The following UNC13C variants were observed in gnomAD, a reference collection of about 807,000 sequenced individuals.
The protein encoded by UNC13C is protein unc-13 homolog C.
A neutral mutation model predicts 245.4 loss-of-function variants in UNC13C; 174 were observed. The observed-to-expected ratio is 0.71, with a 90% CI of 0.63 to 0.80. The LOEUF is 0.80. UNC13C is among the 30% of genes least tolerant of loss of function. UNC13C has a pLI of 0.00. For missense variants in UNC13C, 2,829 were observed against 2,602.9 expected, an observed-to-expected ratio of 1.09 and a Z score of -1.89; for synonymous variants, 992 against 895.1, an observed-to-expected ratio of 1.11 and a Z score of -1.93.
At chr15:54,063,837 G>C (rs1236123608) in intron 2 of UNC13C, among the ~76,000 whole-genome samples, 1 of 152,154 alleles carries the variant, frequency 6.6e-6, no homozygotes, top group East Asian at 1.9e-4. Context: ...AGCTGCCTTA[G>C]AGAGTCTGTC....
At chr15:54,429,236 A>G (rs1423603800) in intron 19 of UNC13C, among the ~76,000 whole-genome samples, 1 of 151,782 alleles carries the variant, frequency 6.6e-6, no homozygotes. Flanking sequence ...ATGATATATA[A>G]ATCATATTTC....
chr15:54,124,267 C>T (rs2030881025), intron 2 of UNC13C, among the ~76,000 whole-genome samples: 2 of 152,174 alleles, frequency 1.3e-5, no homozygotes. Flanking sequence ...TGACATCGTA[C>T]ACGAGACCCA....
Position 54,014,942 on chromosome 15 carries a change from C to G in UNC13C, c.2039C>G (p.Thr680Arg), listed in dbSNP as rs1895572786. 1 of 1,613,834 alleles carries G rather than the reference C, an allele frequency of 6.2e-7. No individual in the cohort carries two copies. Among genetic ancestry groups the G allele is most frequent in the Non-Finnish European group, 8.5e-7 (1 of 1,179,818 alleles). ...SSTQEGFDYE[T>R]NSLFDQQLDV... is the part of the protein sequence containing the mutation. ...ACCCAGGAAGGTTTTGATTATGAAA[C>G]AAACAGTCTTTTTGACCAACAGCTT... is the stretch of plus-strand genomic sequence containing the variant. Residue 680 changes from threonine (T) to arginine (R), a missense_variant, in exon 2 of 33, where the codon ACA becomes AGA. Transcript: ENST00000260323.
chr15:54,458,139 T>C (rs1891636262), intron 19 of UNC13C, among the ~76,000 whole-genome samples: 1 of 152,108 alleles, frequency 6.6e-6, no homozygotes, highest in Non-Finnish European at 1.5e-5. Context: ...GATTTCATTG[T>C]TGATCCAAAT....
At chr15:53,863,622 T>C in the UNC13C span, among the ~76,000 whole-genome samples, 1 of 152,210 alleles carries the variant, frequency 6.6e-6, no homozygotes, top group Non-Finnish European at 1.5e-5. Context: ...GACTAGTATG[T>C]AGCCAAAAGG....
chr15:54,501,092 C>A, intron 22 of UNC13C, 114 bp downstream of exon 22: 1 of 1,062,476 alleles, frequency 9.4e-7, no homozygotes, highest in Non-Finnish European at 1.4e-6. Flanking sequence ...ATTTGTAATT[C>A]TGTACTAGTA....
At chr15:54,449,962 C>G (rs1287772723) in intron 19 of UNC13C, among the ~76,000 whole-genome samples, 2 of 152,154 alleles carry the variant, frequency 1.3e-5, no homozygotes, top group African/African-American at 4.8e-5. Flanking sequence ...GTGTGGATGT[C>G]CTTTCTCTTT....
intron 17 of UNC13C, among the ~76,000 whole-genome samples, chr15:54,350,835 A>G (rs1446866981): frequency 1.3e-5 from 2 of 152,192 alleles, no homozygotes; most frequent in Non-Finnish European, 2.9e-5. Context: ...AGAAACTTTC[A>G]TTCTTTAAAG....
chr15:54,520,010 T>A (rs1425182316), intron 24 of UNC13C, among the ~76,000 whole-genome samples: 2 of 152,210 alleles, frequency 1.3e-5, no homozygotes, highest in African/African-American at 2.4e-5. Context: ...GATAAGATTG[T>A]GAGAAGTTGC....
intron 2 of UNC13C, among the ~76,000 whole-genome samples, chr15:54,025,133 C>T (rs1364935642): frequency 6.6e-6 from 1 of 152,160 alleles, no homozygotes; most frequent in Non-Finnish European, 1.5e-5. Flanking sequence ...TGAGCAATGT[C>T]ACTTTATTTA....
intron 8 of UNC13C, 111 bp from the exon 9 acceptor site, chr15:54,264,056 AC>A: frequency 9.4e-7 from 1 of 1,063,992 alleles, no homozygotes; most frequent in South Asian, 1.5e-5. Flanking sequence ...ACCTGACTCC[AC>A]AGAATGAAAG....
intron 13 of UNC13C, among the ~76,000 whole-genome samples, chr15:54,308,966 A>G (rs2037795975): frequency 6.6e-6 from 1 of 151,862 alleles, no homozygotes; most frequent in African/African-American, 2.4e-5. Context: ...TGCAATAAAT[A>G]TGGGTGTGCG....
chr15:53,878,908 T>A, the UNC13C span, among the ~76,000 whole-genome samples: 1 of 152,176 alleles, frequency 6.6e-6, no homozygotes, highest in Non-Finnish European at 1.5e-5. Context: ...AAATAACTTT[T>A]AGAAAATTTG....
chr15:54,365,427 A>C (rs924563082), intron 17 of UNC13C, among the ~76,000 whole-genome samples: 3 of 152,054 alleles, frequency 2.0e-5, no homozygotes, highest in Non-Finnish European at 4.4e-5. Flanking sequence ...AAAACTGTAC[A>C]TATTCAGTCT....
intron 30 of UNC13C, among the ~76,000 whole-genome samples, chr15:54,595,059 G>GT (rs1899002069): frequency 6.6e-6 from 1 of 152,224 alleles, no homozygotes; most frequent in Admixed American, 6.5e-5. Flanking sequence ...TCGATAAGAT[G>GT]TATAGCAGTG....
At chr15:53,899,685 CT>C in the UNC13C span, among the ~76,000 whole-genome samples, 2 of 152,160 alleles carry the variant, frequency 1.3e-5, no homozygotes, top group Non-Finnish European at 2.9e-5. Context: ...CTGCCTCAGC[CT>C]CCCGAGTGGC....
chr15:54,585,339 T>G (rs2141245970), intron 30 of UNC13C, among the ~76,000 whole-genome samples: 1 of 152,122 alleles, frequency 6.6e-6, no homozygotes, highest in East Asian at 1.9e-4. Context: ...TCTCTCTTGC[T>G]TCCTCTCTCA....
chr15:54,181,218 G>A (rs2033786715), intron 4 of UNC13C, among the ~76,000 whole-genome samples: 1 of 151,982 alleles, frequency 6.6e-6, no homozygotes, highest in Admixed American at 6.6e-5. Context: ...TTCTGCATAT[G>A]GCTACCTAGT....
chr15:54,101,283 A>G (rs1157450566), intron 2 of UNC13C, among the ~76,000 whole-genome samples: 2 of 151,976 alleles, frequency 1.3e-5, no homozygotes, highest in East Asian at 3.9e-4. Flanking sequence ...CTTGATTCAC[A>G]GGCTATTACT....
Sources: allele counts gnomAD v4.1 joint callset (sites outside exome capture counted in the v4.1 genomes callset), GRCh38; gene constraint gnomAD v4.1.1; transcripts MANE v1.5; gene names NCBI Gene and HGNC (gene_info 2026-07-23, HGNC 2026-07-21).